The following INTU variants were observed in gnomAD, a reference collection of about 807,000 sequenced individuals.
The protein encoded by INTU is inturned planar cell polarity protein, also known as protein inturned.
In INTU, 68 loss-of-function variants were observed where a neutral mutation model predicts 100.5. The observed-to-expected ratio is 0.68, with a 90% CI of 0.56 to 0.83. The LOEUF (loss-of-function observed/expected upper bound fraction) is 0.83. INTU is among the 40% of genes least tolerant of loss of function. The pLI, the probability that INTU is intolerant of heterozygous loss-of-function variation, is 0.00. For synonymous variants in INTU, 357 were observed against 395.7 expected (o/e 0.90, Z 1.16); for missense variants, 1,071 against 1,114.7 (o/e 0.96, Z 0.56).
At chr4:127,651,026 G>C (rs1727841408) in intron 2 of INTU, among the ~76,000 whole-genome samples, 2 of 152,178 alleles carry the variant, frequency 1.3e-5, no homozygotes, top group Admixed American at 6.5e-5. Flanking sequence ...CTTTTGAGAA[G>C]TGTCTGTTCA....
intron 8 of INTU, among the ~76,000 whole-genome samples, chr4:127,696,981 C>A (rs542911634): frequency 9.2e-5 from 14 of 152,092 alleles, no homozygotes; most frequent in Non-Finnish European, 1.8e-4. Context: ...ACCAATAAAG[C>A]CCTATCCGTT....
intron 8 of INTU, among the ~76,000 whole-genome samples, chr4:127,695,089 C>G (rs1156695149): frequency 6.6e-6 from 1 of 152,138 alleles, no homozygotes. Context: ...GACATCTTGA[C>G]AATATTGAGT....
intron 8 of INTU, among the ~76,000 whole-genome samples, chr4:127,690,202 G>C (rs1438066270): frequency 1.3e-5 from 2 of 152,130 alleles, no homozygotes; most frequent in African/African-American, 4.8e-5. Flanking sequence ...CTTTTTCATT[G>C]AGATTTTTGT....
chr4:127,706,912 G>A lies in INTU; in HGVS notation c.2214G>A (p.Arg738=). 1 of 1,614,082 alleles carries A rather than the reference G, an allele frequency of 6.2e-7. No homozygotes were observed. Among genetic ancestry groups the A allele is most frequent in the Non-Finnish European group, 8.5e-7 (1 of 1,179,966 alleles). The change falls in exon 12 of 16, where the codon CGG becomes CGA. Residue 738 remains arginine (R), a synonymous_variant. Coordinates refer to ENST00000335251, the MANE Select transcript of INTU (RefSeq NM_015693.4). ...CCCATACTACACCGGATGCAGTACG[G>A]AAGCAAAGAGAATCTCAGGGCTCTG... ...FSPHTTPDAV[R]KQRESQGSDG...
intron 9 of INTU, among the ~76,000 whole-genome samples, chr4:127,703,432 A>G (rs890040562): frequency 1.3e-5 from 2 of 152,282 alleles, no homozygotes; most frequent in South Asian, 4.1e-4. Flanking sequence ...ATGGATTGGA[A>G]TGTATCCTTC....
At chr4:127,659,143 C>A (rs1221556428) in intron 3 of INTU, among the ~76,000 whole-genome samples, 1 of 152,172 alleles carries the variant, frequency 6.6e-6, no homozygotes, top group Non-Finnish European at 1.5e-5. Context: ...ATGAATGAAG[C>A]TTCGCTCACT....
At chr4:127,670,755 A>G (rs1240588507) in intron 5 of INTU, among the ~76,000 whole-genome samples, 1 of 152,062 alleles carries the variant, frequency 6.6e-6, no homozygotes, top group Non-Finnish European at 1.5e-5. Context: ...TGGTACTGGT[A>G]TAAAAATAGA....
intron 10 of INTU, among the ~76,000 whole-genome samples, chr4:127,704,574 C>T (rs906368103): frequency 2.0e-5 from 3 of 152,118 alleles, no homozygotes; most frequent in Non-Finnish European, 4.4e-5. Context: ...GGATTACAGG[C>T]GTGAGCCACC....
chr4:127,639,692 A>G lies in INTU; in HGVS notation c.147-3829A>G, dbSNP rs76328792. Reference sequence around the variant, plus strand: ...AGTATAATGTGATGTTTCAATAGACATATACATTGTATAGTGATTAAATCA... The same window carrying G: ...AGTATAATGTGATGTTTCAATAGACGTATACATTGTATAGTGATTAAATCA... On this transcript the variant is annotated intron_variant, in intron 1 of 15. Transcript: ENST00000335251. 2.6e-5 allele frequency among the ~76,000 whole-genome samples: 4 copies of G among 152,280 alleles called. No individual in the cohort carries two copies. In the East Asian group the frequency reaches 7.7e-4, roughly 29 times the overall value.
chr4:127,718,265 T>C lies in INTU; in HGVS notation c.*1829T>C, dbSNP rs1385798195. 1 of 152,206 alleles carries C rather than the reference T, an allele frequency of 6.6e-6. No individual in the cohort carries two copies. Among genetic ancestry groups the C allele is most frequent in the Admixed American group, 6.5e-5 (1 of 15,280 alleles). The allele number at this position is 152,206 out of a possible 1,614,324, so 9.4% of individuals were successfully genotyped here. On this transcript the variant is annotated 3_prime_UTR_variant, in exon 16 of 16. Transcript: ENST00000335251. ...ATCCTTTCCCCATTGCTTGTTTTTC[T>C]CAGGTTTGTTGAAGATCAGATGGTT...
rs190310538 is a variant in INTU, at chr4:127,721,076, G to A, written c.*4640G>A. The A allele has an allele frequency of 6.6e-6, 1 of 152,000 alleles. No homozygotes were observed. Among genetic ancestry groups the A allele is most frequent in the African/African-American group, 2.4e-5 (1 of 41,350 alleles). The allele number at this position is 152,000 out of a possible 1,614,324, so 9.4% of individuals were successfully genotyped here. A position where few individuals can be genotyped will look rare whatever the true frequency, so the allele number is the denominator to read the frequency against. On this transcript the variant is annotated 3_prime_UTR_variant, in exon 16 of 16. Transcript: ENST00000335251. ...TTGCTTCATAGTGTTACTGATCTGT[G>A]TATTTCAATGTGTTTTTTGTAGCGG...
intron 8 of INTU, among the ~76,000 whole-genome samples, chr4:127,692,978 C>T (rs868241861): frequency 6.6e-6 from 1 of 152,144 alleles, no homozygotes; most frequent in Middle Eastern, 3.4e-3. Flanking sequence ...ATTTTGGTGA[C>T]TGTGGCTTTA....
chr4:127,686,126 TAG>T (rs1355441382), intron 7 of INTU: 1 of 152,178 alleles, frequency 6.6e-6, no homozygotes, highest in African/African-American at 2.4e-5. Context: ...CCAAAAAGTG[TAG>T]AGACTTGATT....
intron 4 of INTU, among the ~76,000 whole-genome samples, chr4:127,668,084 T>C (rs1227233987): frequency 2.6e-5 from 4 of 152,036 alleles, no homozygotes. Flanking sequence ...ACAGGGCAAC[T>C]GGAAGCTACT....
intron 2 of INTU, 89 bp downstream of exon 2, chr4:127,644,145 A>G: frequency 7.6e-7 from 1 of 1,320,878 alleles, no homozygotes; most frequent in South Asian, 1.4e-5. Context: ...AAACAATTAT[A>G]TACAGTCTCC....
At chr4:127,681,994 C>G (rs540222825) in intron 6 of INTU, among the ~76,000 whole-genome samples, 30 of 151,570 alleles carry the variant, frequency 2.0e-4, no homozygotes, top group African/African-American at 6.8e-4. Flanking sequence ...CCAAAAAACA[C>G]ATGAAAAAAT....
At chr4:127,645,260 T>C (rs1485930339) in intron 2 of INTU, among the ~76,000 whole-genome samples, 2 of 152,110 alleles carry the variant, frequency 1.3e-5, no homozygotes, top group Non-Finnish European at 1.5e-5. Flanking sequence ...ACTTAAGAGG[T>C]TGGATCATAA....
rs1560626651 is a variant in INTU at position 127,725,568 on chromosome 4, G to A, written c.*9132G>A. On this transcript the variant is annotated 3_prime_UTR_variant, in exon 16 of 16. Transcript: ENST00000335251. ...TTCATACAAACTGAACTAAGGTAGGGTTTTATCATAGGGGACTTTTTGTTT... is the reference window on the plus strand; with the variant it reads ...TTCATACAAACTGAACTAAGGTAGGATTTTATCATAGGGGACTTTTTGTTT... 6.6e-6 allele frequency: 1 copy of A among 152,144 alleles called. No homozygotes were observed. Among genetic ancestry groups the A allele is most frequent in the Non-Finnish European group, 1.5e-5 (1 of 68,032 alleles). 9.4% of individuals were successfully genotyped at this position (152,144 alleles called of 1,614,324 possible). A position where few individuals can be genotyped will look rare whatever the true frequency, so the allele number is the denominator to read the frequency against.
intron 1 of INTU, among the ~76,000 whole-genome samples, chr4:127,641,593 C>T (rs551559869): frequency 2.0e-5 from 3 of 151,868 alleles, no homozygotes; most frequent in South Asian, 2.1e-4. Flanking sequence ...GTGACTCTCC[C>T]GTATGGCTAA....
Sources: gnomAD v4.1 joint callset for allele counts (sites outside exome capture counted in the v4.1 genomes callset) on GRCh38, gnomAD v4.1.1 for gene constraint, MANE v1.5 for transcripts, NCBI Gene and HGNC (gene_info 2026-07-23, HGNC 2026-07-21) for gene names.